EHHADH: variants seen among roughly 807,000 people sequenced by gnomAD.
The protein encoded by EHHADH is enoyl-CoA hydratase and 3-hydroxyacyl CoA dehydrogenase, also known as peroxisomal bifunctional enzyme.
Under a neutral mutation model 64.4 loss-of-function variants are expected in EHHADH, and 48 were observed. The ratio of observed to expected loss-of-function variants is 0.75; its 90% CI spans 0.59 to 0.95. The LOEUF is 0.95. Among genes scored for constraint, EHHADH ranks in the 40% least tolerant of loss-of-function variants. The pLI is 0.00. For synonymous variants in EHHADH, 308 were observed against 326.7 expected (o/e 0.94, Z 0.62); for missense variants, 854 against 876.6 (o/e 0.97, Z 0.33).
intron 1 of EHHADH, among the ~76,000 whole-genome samples, chr3:185,252,923 A>G (rs1462302634): frequency 6.6e-6 from 1 of 152,146 alleles, no homozygotes; most frequent in African/African-American, 2.4e-5. Context: ...TTCAAGGCTG[A>G]CATATAATTA....
At chr3:185,210,080 A>G (rs975517624) in intron 5 of EHHADH, among the ~76,000 whole-genome samples, 5 of 152,170 alleles carry the variant, frequency 3.3e-5, no homozygotes, top group African/African-American at 1.2e-4. Context: ...GAACAAGAGC[A>G]TGGAGGCACA....
intron 5 of EHHADH, among the ~76,000 whole-genome samples, chr3:185,217,664 C>T (rs1718720997): frequency 6.6e-6 from 1 of 152,054 alleles, no homozygotes; most frequent in African/African-American, 2.4e-5. Flanking sequence ...TGAGACCTCA[C>T]CAGAAGCTGA....
Position 185,192,191 on chromosome 3 carries a change from A to G in EHHADH, c.*35T>C. On this transcript the variant is annotated 3_prime_UTR_variant, in exon 7 of 7. Transcript: ENST00000231887. ...ACTGAAATTCAGTCAGCATTACCTGATGCTAGCATGTGAGGCATAATCTGG... is the reference window on the plus strand; with the variant it reads ...ACTGAAATTCAGTCAGCATTACCTGGTGCTAGCATGTGAGGCATAATCTGG... The G allele has an allele frequency of 6.3e-7, 1 of 1,580,130 alleles. No individual in the cohort carries two copies. The highest frequency in any genetic ancestry group is 8.6e-7 in the Non-Finnish European group (1 of 1,163,184).
At chr3:185,251,477 G>C (rs1246715932) in intron 1 of EHHADH, among the ~76,000 whole-genome samples, 1 of 152,182 alleles carries the variant, frequency 6.6e-6, no homozygotes, top group Non-Finnish European at 1.5e-5. Flanking sequence ...ATTGTTCTGG[G>C]AGACAGGCCT....
chr3:185,195,756 A>G (rs772613235), intron 6 of EHHADH, among the ~76,000 whole-genome samples: 4 of 152,170 alleles, frequency 2.6e-5, no homozygotes, highest in Non-Finnish European at 4.4e-5. Flanking sequence ...GATGGGAACA[A>G]TAAACACTGG....
At chr3:185,225,028 T>C (rs972154910) in intron 4 of EHHADH, among the ~76,000 whole-genome samples, 2 of 152,230 alleles carry the variant, frequency 1.3e-5, no homozygotes, top group African/African-American at 4.8e-5. Flanking sequence ...TTATGAAATG[T>C]GGTCTGTTTA....
chr3:185,192,544 C>T lies in EHHADH; in HGVS notation c.1854G>A (p.Glu618=). The change falls in exon 7 of 7, where the codon GAG becomes GAA. Residue 618 remains glutamate (E), a synonymous_variant. Transcript: ENST00000231887. The part of the protein sequence containing the change: ...HIEPRTISQD[E]ILERCLYSLI... ...GTGAATATAAGCAGCGTTCAAGGAT[C>T]TCATCCTGGCTAATGGTACGTGGTT... is the stretch of plus-strand genomic sequence containing the variant. 6.2e-7 allele frequency: 1 copy of T among 1,614,218 alleles called. No homozygotes were observed. The highest frequency in any genetic ancestry group is 8.5e-7 in the Non-Finnish European group (1 of 1,180,042).
At chr3:185,226,871 G>A (rs1278446329) in intron 4 of EHHADH, 1 of 152,128 alleles carries the variant, frequency 6.6e-6, no homozygotes. Context: ...GTGGGGAAAA[G>A]GACATTTTTG....
chr3:185,209,513 G>A lies in EHHADH; in HGVS notation c.569-4756C>T, dbSNP rs138186387. On this transcript the variant is annotated intron_variant, in intron 5 of 6. Transcript: ENST00000231887. ...CATTTTATCAAAAATGTACATCTTA[G>A]TTATTTAGACAGAAAGCCTACCAGG... 3.2e-3 allele frequency among the ~76,000 whole-genome samples: 487 copies of A among 152,234 alleles called. 5 individuals carry two copies. The highest frequency in any genetic ancestry group is 0.011 in the African/African-American group (468 of 41,534).
At chr3:185,212,560 T>C (rs1718569306) in intron 5 of EHHADH, among the ~76,000 whole-genome samples, 1 of 152,202 alleles carries the variant, frequency 6.6e-6, no homozygotes. Flanking sequence ...CATCTTCTTC[T>C]TTCGTTGTTG....
intron 4 of EHHADH, among the ~76,000 whole-genome samples, chr3:185,225,122 G>A (rs1459434154): frequency 1.3e-5 from 2 of 152,146 alleles, no homozygotes; most frequent in African/African-American, 2.4e-5. Context: ...AGAAAACAGA[G>A]GCTTAGAGGA....
chr3:185,217,889 C>T (rs911771991), intron 5 of EHHADH, among the ~76,000 whole-genome samples: 8 of 151,532 alleles, frequency 5.3e-5, no homozygotes, highest in Non-Finnish European at 1.0e-4. Flanking sequence ...CTCAGCCTCC[C>T]GAGTAGCTGG....
chr3:185,198,741 C>A (rs908002925), intron 6 of EHHADH, among the ~76,000 whole-genome samples: 3 of 151,872 alleles, frequency 2.0e-5, no homozygotes, highest in Non-Finnish European at 2.9e-5. Flanking sequence ...ACCAGCTACT[C>A]AGGAGGCTGA....
chr3:185,217,236 G>T (rs1718704404), intron 5 of EHHADH, among the ~76,000 whole-genome samples: 1 of 152,090 alleles, frequency 6.6e-6, no homozygotes, highest in African/African-American at 2.4e-5. Flanking sequence ...CTTAGTTGAT[G>T]AGAGATCAGC....
chr3:185,206,285 A>T (rs894621551), intron 5 of EHHADH, among the ~76,000 whole-genome samples: 106 of 99,024 alleles, frequency 1.1e-3, no homozygotes, highest in Non-Finnish European at 1.7e-3. Context: ...AAAAACAATA[A>T]AAAAAAAAAA....
intron 2 of EHHADH, among the ~76,000 whole-genome samples, chr3:185,236,893 T>C (rs983604925): frequency 6.6e-6 from 1 of 152,240 alleles, no homozygotes; most frequent in Admixed American, 6.5e-5. Flanking sequence ...CAGTTTCATA[T>C]ACTGTGTCAT....
Position 185,192,490 on chromosome 3 carries a change from T to C in EHHADH, c.1908A>G (p.Gly636=), listed in dbSNP as rs114439807. The change falls in exon 7 of 7, where the codon GGA becomes GGG. Residue 636 remains glycine, a synonymous_variant. Transcript: ENST00000231887. The stretch of plus-strand genomic sequence containing the variant: ...GCTCTGGGCTAGCAGCTATCCCTTC[T>C]CCCAAGATACGGAATGCTTCATTGA... The part of the protein sequence containing the change: ...SLINEAFRIL[G]EGIAASPEHI... 8.7e-4 allele frequency: 1,403 copies of C among 1,614,194 alleles called. 17 individuals are homozygous for C. The African/African-American group carries it at 0.017, about 19-fold the overall frequency.
At chr3:185,230,351 AC>A (rs932142770) in intron 3 of EHHADH, among the ~76,000 whole-genome samples, 35 of 152,362 alleles carry the variant, frequency 2.3e-4, no homozygotes, top group Admixed American at 2.0e-3. Context: ...ACATATGCCC[AC>A]AAAAATCCTG....
chr3:185,192,507 C>T lies in EHHADH; in HGVS notation c.1891G>A (p.Ala631Thr). Reference sequence around the variant, plus strand: ...ATCCCTTCTCCCAAGATACGGAATGCTTCATTGATAAGTGAATATAAGCAG... The same window carrying T: ...ATCCCTTCTCCCAAGATACGGAATGTTTCATTGATAAGTGAATATAAGCAG... Reference protein sequence around the residue: ...ERCLYSLINEAFRILGEGIAA... With the variant: ...ERCLYSLINETFRILGEGIAA... The change falls in exon 7 of 7, where the codon GCA (alanine) becomes ACA (threonine). Residue 631 changes from alanine (A) to threonine (T), a missense_variant. Transcript: ENST00000231887. 1 of 1,614,214 alleles carries T rather than the reference C, an allele frequency of 6.2e-7. No homozygotes were observed. The highest frequency in any genetic ancestry group is 8.5e-7 in the Non-Finnish European group (1 of 1,180,038).
Sources: allele counts gnomAD v4.1 joint callset (sites outside exome capture counted in the v4.1 genomes callset), GRCh38; gene constraint gnomAD v4.1.1; transcripts MANE v1.5; gene names NCBI Gene and HGNC (gene_info 2026-07-23, HGNC 2026-07-21).